CHD8: variants seen among roughly 807,000 people sequenced by gnomAD.
The protein encoded by CHD8 is chromodomain helicase DNA binding protein 8.
A neutral mutation model predicts 279.2 loss-of-function variants in CHD8; 31 were observed. The observed-to-expected ratio is 0.11, with a 90% CI of 0.08 to 0.15. CHD8 has a LOEUF of 0.15. CHD8 is among the 10% of genes least tolerant of loss of function. The pLI is 1.00. For missense variants in CHD8, 2,146 were observed against 3,230.5 expected, an observed-to-expected ratio of 0.66 and a Z score of 8.14; for synonymous variants, 1,081 against 1,139.6, an observed-to-expected ratio of 0.95 and a Z score of 1.04.
In CHD8 at chr14:21,415,524, A is replaced by AATAG. The variant is rs780186998; in HGVS notation, c.1968+49_1968+50insCTAT. On this transcript the variant is annotated intron_variant, in intron 7 of 37. Transcript: ENST00000646647. ...TATTTCAAAAATAAATAAATAAATA[A>AATAG]ATAAATAAATAAATAAATAAAAATA... The AATAG allele has an allele frequency of 2.6e-5, 25 of 970,832 alleles. No individual in the cohort carries two copies. In the South Asian group the frequency reaches 9.0e-4, roughly 35 times the overall value. The allele number at this position is 970,832 out of a possible 1,614,324, so 60.1% of individuals were successfully genotyped here. A position where few individuals can be genotyped will look rare whatever the true frequency, so the allele number is the denominator to read the frequency against.
Position 21,428,401 on chromosome 14 carries a change from CTTTTT to C in CHD8, c.1216-152_1216-148del, listed in dbSNP as rs1889419172. ...CTAAATCTTATTGAACCTACACCTA[CTTTTT>C]AAAATGTATTCTTTTGGTGGGAAAG... On this transcript the variant is annotated intron_variant, in intron 3 of 37. Coordinates refer to ENST00000646647, the MANE Select transcript of CHD8 (RefSeq NM_001170629.2). 5.9e-5 allele frequency: 43 copies of C among 727,776 alleles called. 1 individual carries two copies. Among genetic ancestry groups the C allele is most frequent in the Middle Eastern group, 3.9e-4 (1 of 2,566 alleles). 45.1% of individuals were successfully genotyped at this position (727,776 alleles called of 1,614,324 possible).
At chr14:21,417,024 C>T (rs888276387) in intron 5 of CHD8, among the ~76,000 whole-genome samples, 5 of 151,840 alleles carry the variant, frequency 3.3e-5, no homozygotes, top group Non-Finnish European at 5.9e-5. Flanking sequence ...GGCTTGAACC[C>T]GGGGGGTGGA....
In CHD8 at chr14:21,394,134, G is replaced by C. The variant is rs746231563; in HGVS notation, c.5661C>G (p.Leu1887=). The change falls in exon 32 of 38, where the codon CTC becomes CTG. Residue 1887 remains leucine (L), a synonymous_variant. Transcript: ENST00000646647. ...PITEERASRT[L]YRIELLRRLR... ...AGCGCCGAAGCAATTCTATACGGTA[G>C]AGAGTCCGTGAGGCTCTCTCCTCAG... 1.2e-6 allele frequency: 2 copies of C among 1,611,350 alleles called. No individual in the cohort carries two copies. The highest frequency in any genetic ancestry group is 1.7e-6 in the Non-Finnish European group (2 of 1,178,242).
At chr14:21,398,780 T>C (rs1344245461) in intron 26 of CHD8, 1 of 166,532 alleles carries the variant, frequency 6.0e-6, no homozygotes, top group African/African-American at 2.4e-5. Context: ...TCTCCCTTCT[T>C]ATACTCTACT....
At chr14:21,433,058 T>C (rs904466766) in intron 1 of CHD8, among the ~76,000 whole-genome samples, 4 of 152,204 alleles carry the variant, frequency 2.6e-5, no homozygotes, top group Non-Finnish European at 5.9e-5. Flanking sequence ...GAGAAAGTTC[T>C]TGGATGGTGG....
rs1361739122 is a variant in CHD8, at chr14:21,400,634, T to G, written c.4371-22A>C. 1.3e-6 allele frequency: 2 copies of G among 1,543,878 alleles called. No homozygotes were observed. The highest frequency in any genetic ancestry group is 2.3e-5 in the East Asian group (1 of 44,386). On this transcript the variant is annotated intron_variant, in intron 22 of 37. Transcript: ENST00000646647. This position sits in a 1 kb window ranked among gnomAD's most constrained non-coding sequence, Gnocchi z 4.2. ...CCAACTAAAAAACAGAAAACTATAT[T>G]AACATTTTTCTGAGAAATGACAGTC...
intron 5 of CHD8, among the ~76,000 whole-genome samples, chr14:21,423,552 G>A (rs1889152448): frequency 6.6e-6 from 1 of 151,896 alleles, no homozygotes; most frequent in African/African-American, 2.4e-5. Context: ...GTCAGGGGGT[G>A]CAGTAACAGT....
chr14:21,391,350 C>T (rs1887528696), intron 36 of CHD8, 113 bp downstream of exon 36: 2 of 991,752 alleles, frequency 2.0e-6, no homozygotes, highest in Non-Finnish European at 3.0e-6. Context: ...AATTATTACC[C>T]TTATCTTGCA....
intron 1 of CHD8, chr14:21,437,359 G>C (rs967375919): frequency 2.5e-6 from 2 of 805,094 alleles, no homozygotes; most frequent in Non-Finnish European, 3.2e-6. Context: ...CAGCGCAAAG[G>C]GTGGGACTAT....
chr14:21,438,173 GC>G (rs1382400397), intron 1 of CHD8, among the ~76,000 whole-genome samples: 1 of 152,024 alleles, frequency 6.6e-6, no homozygotes. Flanking sequence ...CGATTCTCTT[GC>G]CTCAGCCTCC....
rs1889569585 is a variant in CHD8 at position 21,431,690 on chromosome 14, G to T, written c.-47C>A. ...ACTTCTCCAAGGTCTAGGGAGGGAA[G>T]GGGAGGGGGGGTACTGGCTCTCCCC... is the stretch of plus-strand genomic sequence containing the variant. On this transcript the variant is annotated 5_prime_UTR_variant, in exon 2 of 38. Coordinates refer to ENST00000646647, the MANE Select transcript of CHD8 (RefSeq NM_001170629.2). The T allele has an allele frequency of 6.3e-7, 1 of 1,591,384 alleles. No homozygotes were observed. The highest frequency in any genetic ancestry group is 8.6e-7 in the Non-Finnish European group (1 of 1,169,304).
At chr14:21,398,994 G>A (rs1887914869) in intron 26 of CHD8, 2 of 416,156 alleles carry the variant, frequency 4.8e-6, no homozygotes, top group Non-Finnish European at 4.8e-6. Context: ...TGACACCAGT[G>A]AAAATGTCAA....
In CHD8 at chr14:21,393,788, C is replaced by A; in HGVS notation, c.6007G>T (p.Ala2003Ser). 2 of 1,613,916 alleles carry A rather than the reference C, an allele frequency of 1.2e-6. No individual in the cohort carries two copies. Among genetic ancestry groups the A allele is most frequent in the Non-Finnish European group, 1.7e-6 (2 of 1,179,876 alleles). ...TCCTCGGGTGACTTTTCAACAGGAG[C>A]ATCTGGGCGCAGGGGCAGTGGTGAG... ...TASPLPLRPD[A>S]PVEKSPEETA... Residue 2003 changes from alanine to serine, a missense_variant, in exon 32 of 38, where the codon GCT (alanine) becomes TCT (serine). Around this residue, in one of 26 missense-constraint regions of CHD8, gnomAD observed 513 missense variants for 637.6 expected, o/e 0.80. Coordinates refer to ENST00000646647, the MANE Select transcript of CHD8 (RefSeq NM_001170629.2).
chr14:21,438,261 A>G (rs1259626884), intron 1 of CHD8, among the ~76,000 whole-genome samples: 1 of 152,096 alleles, frequency 6.6e-6, no homozygotes, highest in East Asian at 1.9e-4. Flanking sequence ...GGGTTTCACT[A>G]TGTTGGCTAG....
intron 34 of CHD8, 105 bp downstream of exon 34, chr14:21,392,402 T>C: frequency 8.7e-7 from 1 of 1,151,610 alleles, no homozygotes; most frequent in Non-Finnish European, 1.2e-6. Context: ...TTCTCATTTT[T>C]AAAATTAGCT....
intron 33 of CHD8, 125 bp downstream of exon 33, chr14:21,392,981 A>AC: frequency 8.0e-7 from 1 of 1,249,960 alleles, no homozygotes; most frequent in Non-Finnish European, 1.1e-6. Flanking sequence ...CTGGAAAAAA[A>AC]AAAAAAAACT....
Position 21,400,936 on chromosome 14 carries a change from G to A in CHD8, c.4309C>T (p.Arg1437Cys), listed in dbSNP as rs763598165. 3 of 1,613,822 alleles carry A rather than the reference G, an allele frequency of 1.9e-6. No homozygotes were observed. Among genetic ancestry groups the A allele is most frequent in the Admixed American group, 1.7e-5 (1 of 59,992 alleles). Residue 1437 changes from arginine to cysteine, a missense_variant, in exon 22 of 38, where the codon CGT (arginine) becomes TGT (cysteine). Coordinates refer to ENST00000646647, the MANE Select transcript of CHD8 (RefSeq NM_001170629.2). This position sits in a 1 kb window ranked among gnomAD's most constrained non-coding sequence, Gnocchi z 4.2. ...DERPRSRRHDRHHAYGRTDCF... is the reference protein window; with the variant it reads ...DERPRSRRHDCHHAYGRTDCF... ...TCAGTGCGCCCATAGGCATGATGAC[G>A]GTCATGTCTGCGGGAGCGTGGCCGC...
rs933334289 is a variant in CHD8 at position 21,385,547 on chromosome 14, T to C, written c.*66A>G. 8 of 1,476,092 alleles carry C rather than the reference T, an allele frequency of 5.4e-6. No homozygotes were observed. Among genetic ancestry groups the C allele is most frequent in the East Asian group, 2.5e-5 (1 of 40,142 alleles). The allele number at this position is 1,476,092 out of a possible 1,614,324, so 91.4% of individuals were successfully genotyped here. On this transcript the variant is annotated 3_prime_UTR_variant, in exon 38 of 38. Coordinates refer to ENST00000646647, the MANE Select transcript of CHD8 (RefSeq NM_001170629.2). ...CTCCCCTGCCCCTCCCACGTTTCCATAGTCCAAGGGCCAGAGTAAATGAAA... is the reference window on the plus strand; with the variant it reads ...CTCCCCTGCCCCTCCCACGTTTCCACAGTCCAAGGGCCAGAGTAAATGAAA...
intron 16 of CHD8, chr14:21,404,809 A>G: frequency 5.7e-6 from 1 of 175,508 alleles, no homozygotes; most frequent in Non-Finnish European, 1.2e-5. Flanking sequence ...GAACTACAGA[A>G]AAACATTCCA....
Sources: gnomAD v4.1 joint callset for allele counts (sites outside exome capture counted in the v4.1 genomes callset) on GRCh38, gnomAD v4.1.1 for gene constraint, gnomAD v4.1.1 regional missense constraint, Gnocchi (gnomAD v3.1) non-coding constraint, MANE v1.5 for transcripts, NCBI Gene and HGNC (gene_info 2026-07-23, HGNC 2026-07-21) for gene names.